The following PLXNB2 variants were observed in gnomAD, a reference collection of about 807,000 sequenced individuals.
PLXNB2 encodes plexin B2, also known as plexin-B2.
In PLXNB2, 85 loss-of-function variants were observed where a neutral mutation model predicts 202.6. That is an observed-to-expected ratio of 0.42 (90% CI 0.35 to 0.50). The LOEUF is 0.50. PLXNB2 is among the 20% of genes least tolerant of loss of function. PLXNB2 has a pLI of 0.02. For synonymous variants in PLXNB2, 1,239 were observed against 1,137.6 expected (o/e 1.09, Z -1.79); for missense variants, 2,063 against 2,586.2 (o/e 0.80, Z 4.39).
rs1191891420 is a variant in PLXNB2 at position 50,290,198 on chromosome 22, G to A, written c.387C>T (p.Ser129=). 6.2e-7 allele frequency: 1 copy of A among 1,612,616 alleles called. No homozygotes were observed. Among genetic ancestry groups the A allele is most frequent in the Non-Finnish European group, 8.5e-7 (1 of 1,180,008 alleles). Residue 129 remains serine (S), a synonymous_variant, in exon 3 of 37, where the codon TCC becomes TCT. Transcript: ENST00000359337. The part of the protein sequence containing the change: ...ICALRALSNI[S]LRLFYEDGSG... ...TGCCGTCCTCGTAGAACAGGCGGAG[G>A]GAGATGTTGCTCAGGGCGCGCAGAG...
intron 1 of PLXNB2, among the ~76,000 whole-genome samples, chr22:50,304,937 C>T (rs1569186789): frequency 6.6e-6 from 1 of 152,212 alleles, no homozygotes; most frequent in African/African-American, 2.4e-5. Flanking sequence ...GCTCTGGGCA[C>T]AAGAGGTTCC....
intron 1 of PLXNB2, chr22:50,300,343 G>A: frequency 1.0e-6 from 1 of 985,026 alleles, no homozygotes; most frequent in Non-Finnish European, 1.2e-6. Flanking sequence ...TGGAAGGGGC[G>A]CGGGGAGCAG....
At chr22:50,305,146 G>A (rs780606676) in intron 1 of PLXNB2, among the ~76,000 whole-genome samples, 33 of 152,234 alleles carry the variant, frequency 2.2e-4, no homozygotes, top group African/African-American at 4.3e-4. Flanking sequence ...GCCCACGCCC[G>A]CGTCCCAGGG....
chr22:50,305,572 G>A (rs1206745301), intron 1 of PLXNB2, among the ~76,000 whole-genome samples: 1 of 152,242 alleles, frequency 6.6e-6, no homozygotes, highest in Non-Finnish European at 1.5e-5. Flanking sequence ...TGTCGGAGGG[G>A]CTTGGAGGGA....
rs1447810081 is a variant in PLXNB2, at chr22:50,289,606, G to A, written c.979C>T (p.Arg327Cys). ...CGGGTGCCTGTGTAACAGGCGTTGC[G>A]GTTGGCCTCCATCTTGGCGTGCACC... ...DKVHAKMEAN[R>C]NACYTGTREA... is the part of the protein sequence containing the mutation. The change falls in exon 3 of 37, where the codon CGC (arginine) becomes TGC (cysteine). Residue 327 changes from arginine (R) to cysteine (C), a missense_variant. Physicochemically the swap from Arg to Cys is radical, Grantham distance 180. Coordinates refer to ENST00000359337, the MANE Select transcript of PLXNB2 (RefSeq NM_012401.4). This position sits in a 1 kb window ranked among gnomAD's most constrained non-coding sequence, Gnocchi z 8.0. 3.1e-6 allele frequency: 5 copies of A among 1,610,494 alleles called. No homozygotes were observed. The highest frequency in any genetic ancestry group is 1.7e-5 in the Admixed American group (1 of 60,034).
At position 50,289,852 on chromosome 22, in the gene PLXNB2, G is replaced by T. The variant is rs1292732087; in HGVS notation, c.733C>A (p.Leu245Met). The change falls in exon 3 of 37, where the codon CTG (leucine) becomes ATG (methionine). Residue 245 changes from leucine to methionine, a missense_variant. Leu to Met is a conservative substitution (Grantham distance 15). Around this residue, in one of 2 missense-constraint regions of PLXNB2, gnomAD observed 1,303 missense variants for 1,476.8 expected, o/e 0.88. Coordinates refer to ENST00000359337, the MANE Select transcript of PLXNB2 (RefSeq NM_012401.4). This position sits in a 1 kb window ranked among gnomAD's most constrained non-coding sequence, Gnocchi z 8.0. ...TCTTCTCTGCACATGCGTGCCAGCA[G>T]CGTGCGGTTCCGGGCCGGGTGCTTG... ...QDKHPARNRT[L>M]LARMCREDPN... is the part of the protein sequence containing the mutation. 2 of 1,613,294 alleles carry T rather than the reference G, an allele frequency of 1.2e-6. No homozygotes were observed. The highest frequency in any genetic ancestry group is 1.7e-6 in the Non-Finnish European group (2 of 1,180,040).
chr22:50,295,306 CAAAAAAA>C (rs760999233), intron 1 of PLXNB2, among the ~76,000 whole-genome samples: 2 of 84,758 alleles, frequency 2.4e-5, no homozygotes, highest in South Asian at 4.4e-4. Flanking sequence ...GACTTCGTCT[CAAAAAAA>C]AAAAAAAAAA....
At chr22:50,304,291 C>G (rs931240855) in intron 1 of PLXNB2, among the ~76,000 whole-genome samples, 3 of 152,208 alleles carry the variant, frequency 2.0e-5, no homozygotes, top group Non-Finnish European at 2.9e-5. Flanking sequence ...GTTCATGAAT[C>G]TCACAGGGCA....
Position 50,298,217 on chromosome 22 carries a change from G to C in PLXNB2, c.-73-3439C>G, listed in dbSNP as rs150843172. Among the ~76,000 whole-genome samples the C allele has an allele frequency of 1.5e-3, 226 of 152,360 alleles. 1 individual carries two copies. The highest frequency in any genetic ancestry group is 5.2e-3 in the African/African-American group (218 of 41,596). On this transcript the variant is annotated intron_variant, in intron 1 of 36. Coordinates refer to ENST00000359337, the MANE Select transcript of PLXNB2 (RefSeq NM_012401.4). ...CGCAGGTCACCCCCAGGCCAACAGA[G>C]CAGAAGGGTCTCCTCCCCCAACCAG...
chr22:50,279,617 C>T lies in PLXNB2; in HGVS notation c.4389+13G>A, dbSNP rs764493851. On this transcript the variant is annotated intron_variant, in intron 27 of 36. Transcript: ENST00000359337. ...CCGAGGCGCCCATGGCGGCCCCCACCCCAGAAGCTCACCAGGGGTGCGTAC... is the reference window on the plus strand; with the variant it reads ...CCGAGGCGCCCATGGCGGCCCCCACTCCAGAAGCTCACCAGGGGTGCGTAC... 1.2e-6 allele frequency: 2 copies of T among 1,613,066 alleles called. No individual in the cohort carries two copies. Among genetic ancestry groups the T allele is most frequent in the South Asian group, 2.2e-5 (2 of 91,036 alleles).
chr22:50,284,447 C>T lies in PLXNB2; in HGVS notation c.2181+126G>A. 1 of 786,462 alleles carries T rather than the reference C, an allele frequency of 1.3e-6. No individual in the cohort carries two copies. The highest frequency in any genetic ancestry group is 1.7e-5 in the South Asian group (1 of 60,144). The allele number at this position is 786,462 out of a possible 1,614,324, so 48.7% of individuals were successfully genotyped here. On this transcript the variant is annotated intron_variant, in intron 12 of 36. Coordinates refer to ENST00000359337, the MANE Select transcript of PLXNB2 (RefSeq NM_012401.4). This position sits in a 1 kb window ranked among gnomAD's most constrained non-coding sequence, Gnocchi z 8.0. ...CCCAGCAGCACAGGGCATGGCGAGC[C>T]CCTGGCTGGGCTCTGGTCCCTGGGG...
chr22:50,286,845 C>G (rs2066491833), intron 8 of PLXNB2, among the ~76,000 whole-genome samples: 1 of 152,200 alleles, frequency 6.6e-6, no homozygotes, highest in African/African-American at 2.4e-5. Flanking sequence ...ACATGCCGCT[C>G]CGGACGTGAT....
At chr22:50,304,852 T>TG (rs1325356236) in intron 1 of PLXNB2, among the ~76,000 whole-genome samples, 1 of 152,066 alleles carries the variant, frequency 6.6e-6, no homozygotes, top group African/African-American at 2.4e-5. Flanking sequence ...AGGTCAAGGC[T>TG]GGGGGGCCAC....
Position 50,283,658 on chromosome 22 carries a change from G to A in PLXNB2, c.2514C>T (p.Ile838=), listed in dbSNP as rs2066192035. The change falls in exon 15 of 37, where the codon ATC becomes ATT. Residue 838 remains isoleucine (I), a synonymous_variant. Coordinates refer to ENST00000359337, the MANE Select transcript of PLXNB2 (RefSeq NM_012401.4). ...LGVQAGDIQR[I]SVAGRNCSFQ... ...AGGAGCAGTTCCGGCCGGCCACAGA[G>A]ATCCTCTGGATGTCCCCTGCTTGGA... 1 of 1,613,046 alleles carries A rather than the reference G, an allele frequency of 6.2e-7. No individual in the cohort carries two copies. The highest frequency in any genetic ancestry group is 1.3e-5 in the African/African-American group (1 of 74,868).
Position 50,283,174 on chromosome 22 carries a change from G to A in PLXNB2, c.2692C>T (p.Leu898Phe), listed in dbSNP as rs1191997177. ...VQFTFQQPKP[L>F]SVEPQQGPQA... ...GGTCCCTGCTGCGGCTCCACACTGA[G>A]AGGCTTGGGCTGCTGAAAGAGCCGC... Residue 898 changes from leucine to phenylalanine, a missense_variant, in exon 17 of 37, where the codon CTC (leucine) becomes TTC (phenylalanine). Physicochemically the swap from Leu to Phe is conservative, Grantham distance 22 (BLOSUM62 0). Transcript: ENST00000359337. 1 of 1,599,936 alleles carries A rather than the reference G, an allele frequency of 6.3e-7. No individual in the cohort carries two copies. The highest frequency in any genetic ancestry group is 1.7e-5 in the Admixed American group (1 of 57,836).
At chr22:50,287,089 G>A (rs903369698) in intron 8 of PLXNB2, 22 bp downstream of exon 8, 1 of 1,482,874 alleles carries the variant, frequency 6.7e-7, no homozygotes. Flanking sequence ...GGGCCACCCG[G>A]GGGCTCGGGA....
intron 1 of PLXNB2, among the ~76,000 whole-genome samples, chr22:50,303,699 GC>G (rs1438710487): frequency 6.6e-6 from 1 of 152,224 alleles, no homozygotes; most frequent in African/African-American, 2.4e-5. Flanking sequence ...TCCACACAGG[GC>G]CCCCCATGGA....
At position 50,275,488 on chromosome 22, in the gene PLXNB2, G is replaced by A. The variant is rs1281556430; in HGVS notation, c.*216C>T. On this transcript the variant is annotated 3_prime_UTR_variant, in exon 37 of 37. Coordinates refer to ENST00000359337, the MANE Select transcript of PLXNB2 (RefSeq NM_012401.4). ...CTGGTTCTGCGGCCGGAGGGAGCTG[G>A]GGCTGGGGCTGGTGCTGGTGCGGTG... 6.0e-6 allele frequency: 4 copies of A among 667,892 alleles called. No homozygotes were observed. The highest frequency in any genetic ancestry group is 5.3e-5 in the African/African-American group (3 of 56,424). 41.4% of individuals were successfully genotyped at this position (667,892 alleles called of 1,614,324 possible).
intron 22 of PLXNB2, 79 bp from the exon 23 acceptor site, chr22:50,281,268 C>T: frequency 1.3e-6 from 2 of 1,575,898 alleles, no homozygotes; most frequent in South Asian, 1.1e-5. Flanking sequence ...GATCTACACG[C>T]CTGCCTGTGC....
Sources: allele counts gnomAD v4.1 joint callset (sites outside exome capture counted in the v4.1 genomes callset), GRCh38; gene constraint gnomAD v4.1.1; regional missense constraint gnomAD v4.1.1; non-coding constraint Gnocchi (gnomAD v3.1); transcripts MANE v1.5; gene names NCBI Gene and HGNC (gene_info 2026-07-23, HGNC 2026-07-21).